MND1: variants seen among roughly 807,000 people sequenced by gnomAD.
The protein encoded by MND1 is meiotic nuclear divisions 1, also known as meiotic nuclear division protein 1 homolog.
Under a neutral mutation model 35.1 loss-of-function variants are expected in MND1, and 28 were observed. The ratio of observed to expected loss-of-function variants is 0.80; its 90% CI spans 0.59 to 1.09. The LOEUF (loss-of-function observed/expected upper bound fraction) is 1.09, where lower values mean the gene tolerates loss of function less well. MND1 is among the 50% of genes least tolerant of loss of function. The pLI is 0.00. For missense variants in MND1, 213 were observed against 239.6 expected (o/e 0.89, Z 0.73); for synonymous variants, 69 against 70.5 (o/e 0.98, Z 0.11).
chr4:153,410,669 TAGAA>T (rs1422377226), intron 7 of MND1, among the ~76,000 whole-genome samples: 2 of 152,178 alleles, frequency 1.3e-5, no homozygotes, highest in Non-Finnish European at 2.9e-5. Flanking sequence ...AATTATCATA[TAGAA>T]AGAAAGTTTG....
At chr4:153,408,555 G>T (rs1258957414) in intron 6 of MND1, among the ~76,000 whole-genome samples, 1 of 151,862 alleles carries the variant, frequency 6.6e-6, no homozygotes, top group African/African-American at 2.4e-5. Context: ...CACTTATTGT[G>T]GTCTTATAAT....
chr4:153,357,770 A>G (rs1028197509), intron 3 of MND1, among the ~76,000 whole-genome samples: 14 of 152,218 alleles, frequency 9.2e-5, no homozygotes, highest in African/African-American at 3.1e-4. Context: ...CCAGTCTACA[A>G]GATGGAAAAA....
intron 6 of MND1, among the ~76,000 whole-genome samples, chr4:153,408,046 T>G (rs1729571406): frequency 6.6e-6 from 1 of 152,106 alleles, no homozygotes; most frequent in Non-Finnish European, 1.5e-5. Context: ...GAGGCCAAGA[T>G]GGGGTGGATC....
chr4:153,361,930 G>C (rs1773505077), intron 4 of MND1, among the ~76,000 whole-genome samples: 1 of 151,804 alleles, frequency 6.6e-6, no homozygotes, highest in Admixed American at 6.6e-5. Flanking sequence ...ATTCCTATTT[G>C]TATCCTCATT....
intron 2 of MND1, among the ~76,000 whole-genome samples, chr4:153,351,896 CA>C (rs2149629246): frequency 6.6e-6 from 1 of 152,150 alleles, no homozygotes; most frequent in African/African-American, 2.4e-5. Context: ...TGGTAAGATA[CA>C]GGGGGATTTT....
intron 4 of MND1, 27 bp downstream of exon 4, chr4:153,358,649 G>T: frequency 6.2e-7 from 1 of 1,600,260 alleles, no homozygotes; most frequent in South Asian, 1.1e-5. Context: ...AAAAAGAATA[G>T]AGTTGCTTTA....
chr4:153,362,757 A>T, intron 4 of MND1, among the ~76,000 whole-genome samples: 1 of 152,086 alleles, frequency 6.6e-6, no homozygotes, highest in South Asian at 2.1e-4. Flanking sequence ...TTATGAGCTC[A>T]CATTCAATTG....
chr4:153,358,263 A>G (rs572041140), intron 3 of MND1, among the ~76,000 whole-genome samples: 2 of 152,302 alleles, frequency 1.3e-5, no homozygotes, highest in East Asian at 1.9e-4. Context: ...AGGCTCCTGT[A>G]TAAGTCATGC....
At chr4:153,346,310 G>C (rs1042691046) in intron 1 of MND1, among the ~76,000 whole-genome samples, 2 of 152,216 alleles carry the variant, frequency 1.3e-5, no homozygotes, top group Admixed American at 1.3e-4. Flanking sequence ...AGGGCTGGCT[G>C]TAGGAATTCC....
chr4:153,413,981 A>C (rs1057393186), intron 7 of MND1, among the ~76,000 whole-genome samples: 1 of 152,080 alleles, frequency 6.6e-6, no homozygotes, highest in Non-Finnish European at 1.5e-5. Flanking sequence ...TTCTGTTCTT[A>C]GTCTTAAGAG....
intron 4 of MND1, among the ~76,000 whole-genome samples, chr4:153,371,808 T>C (rs1310582663): frequency 6.6e-6 from 1 of 152,164 alleles, no homozygotes; most frequent in South Asian, 2.1e-4. Flanking sequence ...AACTTGGCTC[T>C]TTGGCACAAG....
intron 6 of MND1, among the ~76,000 whole-genome samples, chr4:153,402,114 A>G (rs539446030): frequency 6.5e-4 from 99 of 152,338 alleles, no homozygotes; most frequent in African/African-American, 2.2e-3. Context: ...AACATCATGC[A>G]CTGCACTCCA....
intron 4 of MND1, among the ~76,000 whole-genome samples, chr4:153,364,073 A>G (rs1251531815): frequency 6.6e-6 from 1 of 152,098 alleles, no homozygotes; most frequent in Non-Finnish European, 1.5e-5. Context: ...TTACAAAATA[A>G]TAATAATAAA....
At chr4:153,379,115 C>T (rs1369171470) in intron 4 of MND1, among the ~76,000 whole-genome samples, 3 of 151,578 alleles carry the variant, frequency 2.0e-5, no homozygotes, top group African/African-American at 2.4e-5. Flanking sequence ...GGTGAAACCC[C>T]GTCTCTACTA....
intron 4 of MND1, among the ~76,000 whole-genome samples, chr4:153,379,941 G>A (rs181850768): frequency 2.5e-4 from 37 of 150,586 alleles, no homozygotes; most frequent in African/African-American, 6.6e-4. Flanking sequence ...AGGATGGCTT[G>A]AGCCCAAGAG....
chr4:153,365,336 A>T (rs867955583), intron 4 of MND1, among the ~76,000 whole-genome samples: 1 of 152,144 alleles, frequency 6.6e-6, no homozygotes, highest in Non-Finnish European at 1.5e-5. Context: ...ATGATAGATA[A>T]CTCATAAAAT....
intron 4 of MND1, among the ~76,000 whole-genome samples, chr4:153,362,230 G>A (rs1579906472): frequency 6.6e-6 from 1 of 152,024 alleles, no homozygotes; most frequent in East Asian, 1.9e-4. Context: ...ATACTGATAT[G>A]GCTTGGATCT....
In MND1 at chr4:153,411,659, A is replaced by G. The variant is rs753144356; in HGVS notation, c.511+2644A>G. ...AAATCCTTCCTGTAGAGGCTGTTCA[A>G]TAGTCTTACCCTGGTGCCTCATTCT... On this transcript the variant is annotated intron_variant, in intron 7 of 7. Transcript: ENST00000240488. Among the ~76,000 whole-genome samples, 5 of 152,222 alleles carry G rather than the reference A, an allele frequency of 3.3e-5. No homozygotes were observed. The Middle Eastern group carries it at 0.01, about 311-fold the overall frequency.
At chr4:153,392,349 C>T (rs1729071135) in intron 4 of MND1, among the ~76,000 whole-genome samples, 1 of 152,090 alleles carries the variant, frequency 6.6e-6, no homozygotes, top group Non-Finnish European at 1.5e-5. Flanking sequence ...TCGTGATCGG[C>T]CCGCCTCAGC....
Sources: allele counts gnomAD v4.1 joint callset (sites outside exome capture counted in the v4.1 genomes callset), GRCh38; gene constraint gnomAD v4.1.1; transcripts MANE v1.5; gene names NCBI Gene and HGNC (gene_info 2026-07-23, HGNC 2026-07-21).